The following TGFBI variants were observed in gnomAD, a reference collection of about 807,000 sequenced individuals.
The protein encoded by TGFBI is transforming growth factor beta induced.
A neutral mutation model predicts 73.7 loss-of-function variants in TGFBI; 50 were observed. The ratio of observed to expected loss-of-function variants is 0.68; its 90% CI spans 0.54 to 0.86. The LOEUF (loss-of-function observed/expected upper bound fraction) is 0.86, where lower values mean the gene tolerates loss of function less well. Among genes scored for constraint, TGFBI ranks in the 40% least tolerant of loss-of-function variants. The pLI is 0.00. For synonymous variants in TGFBI, 362 were observed against 360.5 expected, an observed-to-expected ratio of 1.00 and a Z score of -0.05; for missense variants, 839 against 877.0, an observed-to-expected ratio of 0.96 and a Z score of 0.55.
chr5:136,050,351 A>AG, intron 7 of TGFBI, among the ~76,000 whole-genome samples: 1 of 144,212 alleles, frequency 6.9e-6, no homozygotes. Context: ...AAAAAAAAAA[A>AG]CAGTTATAGT....
intron 1 of TGFBI, among the ~76,000 whole-genome samples, chr5:136,030,452 G>A (rs1253152666): frequency 6.6e-6 from 1 of 152,152 alleles, no homozygotes; most frequent in African/African-American, 2.4e-5. Context: ...CTGGCGGAGA[G>A]GGCCTGCTGG....
In TGFBI at chr5:136,054,100, C is replaced by T. The variant is rs1271571887; in HGVS notation, c.1264+20C>T. The T allele has an allele frequency of 1.9e-6, 3 of 1,606,374 alleles. No individual in the cohort carries two copies. In the East Asian group the frequency reaches 6.7e-5, roughly 36 times the overall value. On this transcript the variant is annotated intron_variant, in intron 9 of 16. Transcript: ENST00000442011. Reference sequence around the variant, plus strand: ...TCAAAGGTAACATGGGGAAGGCATCCCTGTTAGATTGTCCCTGGAGGCAGC... The same window carrying T: ...TCAAAGGTAACATGGGGAAGGCATCTCTGTTAGATTGTCCCTGGAGGCAGC...
At chr5:136,061,477 C>T in intron 14 of TGFBI, 23 bp from the exon 15 acceptor site, 1 of 1,573,544 alleles carries the variant, frequency 6.4e-7, no homozygotes, top group Non-Finnish European at 8.7e-7. Context: ...TCTGGTCAAA[C>T]CTGCCTTTTC....
chr5:136,045,971 ACCAGTTT>A (rs1450332802), intron 3 of TGFBI: 1 of 172,894 alleles, frequency 5.8e-6, no homozygotes, highest in East Asian at 1.6e-4. Context: ...CCATTAGGGA[ACCAGTTT>A]CAATAAACAG....
intron 12 of TGFBI, among the ~76,000 whole-genome samples, chr5:136,057,704 C>T (rs1031468345): frequency 3.9e-5 from 6 of 152,072 alleles, no homozygotes; most frequent in African/African-American, 1.2e-4. Context: ...ACCTTGGGGC[C>T]CACATTGTCT....
chr5:136,036,529 G>A (rs1036959983), intron 2 of TGFBI, among the ~76,000 whole-genome samples: 1 of 152,172 alleles, frequency 6.6e-6, no homozygotes. Context: ...TGTTCTTGTA[G>A]AGAGCTCAGT....
rs368027763 is a variant in TGFBI at position 136,059,223 on chromosome 5, C to A, written c.1803+9C>A. On this transcript the variant is annotated intron_variant, in intron 13 of 16. Coordinates refer to ENST00000442011, the MANE Select transcript of TGFBI (RefSeq NM_000358.3). ...AGCTGGAAGTCAGCTTGGTAAGTGT[C>A]CTGCAAATCAAAGGCTGGCTAAATT... The A allele has an allele frequency of 1.9e-6, 3 of 1,608,222 alleles. No homozygotes were observed. In the African/African-American group the frequency reaches 4.0e-5, roughly 22 times the overall value.
intron 4 of TGFBI, 114 bp from the exon 5 acceptor site, chr5:136,046,737 A>G: frequency 7.2e-7 from 1 of 1,382,160 alleles, no homozygotes; most frequent in Non-Finnish European, 9.7e-7. Context: ...GATCCTTGGC[A>G]GAAGAGAGGC....
chr5:136,042,352 C>T (rs977097688), intron 2 of TGFBI, among the ~76,000 whole-genome samples: 1 of 152,142 alleles, frequency 6.6e-6, no homozygotes, highest in Non-Finnish European at 1.5e-5. Flanking sequence ...TTTCATAGAC[C>T]AAGAAACTGA....
intron 12 of TGFBI, among the ~76,000 whole-genome samples, chr5:136,058,057 G>T (rs1308767494): frequency 6.6e-6 from 1 of 152,096 alleles, no homozygotes; most frequent in African/African-American, 2.4e-5. Context: ...GTTAGAGGTT[G>T]GTACAGGTGT....
Position 136,053,925 on chromosome 5 carries a change from C to G in TGFBI, c.1127-18C>G, listed in dbSNP as rs750540539. On this transcript the variant is annotated intron_variant, in intron 8 of 16. Transcript: ENST00000442011. ...ACAGCGCTTTTAACTTTTGAACCCACTTTCTCCTTCCTTGTAGCCAAGACA... is the reference window on the plus strand; with the variant it reads ...ACAGCGCTTTTAACTTTTGAACCCAGTTTCTCCTTCCTTGTAGCCAAGACA... 6.2e-7 allele frequency: 1 copy of G among 1,611,762 alleles called. No homozygotes were observed. Among genetic ancestry groups the G allele is most frequent in the South Asian group, 1.1e-5 (1 of 91,042 alleles).
At chr5:136,043,503 T>G (rs915473738) in intron 2 of TGFBI, among the ~76,000 whole-genome samples, 1 of 152,246 alleles carries the variant, frequency 6.6e-6, no homozygotes, top group Non-Finnish European at 1.5e-5. Flanking sequence ...TGTAGATATA[T>G]TCCCCTCTTT....
chr5:136,062,687 G>A lies in TGFBI; in HGVS notation c.2011G>A (p.Ala671Thr), dbSNP rs1472070486. The change falls in exon 16 of 17, where the codon GCC becomes ACC. Residue 671 changes from alanine (A) to threonine (T), a missense_variant and splice_region_variant. Physicochemically the swap from Ala to Thr is moderately conservative, Grantham distance 58. Coordinates refer to ENST00000442011, the MANE Select transcript of TGFBI (RefSeq NM_000358.3). ...SRASQRSVRLAPVYQKLLERM... is the reference protein window; with the variant it reads ...SRASQRSVRLTPVYQKLLERM... ...GGCTTCCCAGAGGTCTGTGCGACTA[G>A]GTGAGTCTGGTCTGGGTTTGAAGTC... The A allele has an allele frequency of 1.3e-6, 2 of 1,567,422 alleles. No homozygotes were observed. The highest frequency in any genetic ancestry group is 3.7e-5 in the Admixed American group (2 of 53,372).
rs370309697 is a variant in TGFBI at position 136,063,271 on chromosome 5, A to G, written c.*45A>G. 4.2e-5 allele frequency: 65 copies of G among 1,562,360 alleles called. 1 individual carries two copies. In the East Asian group the frequency reaches 7.2e-4, roughly 17 times the overall value. On this transcript the variant is annotated 3_prime_UTR_variant, in exon 17 of 17. Coordinates refer to ENST00000442011, the MANE Select transcript of TGFBI (RefSeq NM_000358.3). ...AATGCACCACGGCAGCTCTCCGCCAATTTCTCTCAGATTTCCACAGAGACT... is the reference window on the plus strand; with the variant it reads ...AATGCACCACGGCAGCTCTCCGCCAGTTTCTCTCAGATTTCCACAGAGACT...
intron 14 of TGFBI, 32 bp from the exon 15 acceptor site, chr5:136,061,468 C>A (rs1172395952): frequency 3.9e-6 from 6 of 1,521,090 alleles, no homozygotes; most frequent in Non-Finnish European, 5.4e-6. Context: ...TGGTTTCACT[C>A]TGGTCAAACC....
intron 2 of TGFBI, among the ~76,000 whole-genome samples, chr5:136,040,546 TC>T (rs1255857487): frequency 6.6e-6 from 1 of 152,070 alleles, no homozygotes; most frequent in African/African-American, 2.4e-5. Context: ...AACCACCCCT[TC>T]CCCCTGCCAC....
intron 11 of TGFBI, chr5:136,056,394 G>T (rs1751632234): frequency 1.9e-5 from 8 of 422,058 alleles, no homozygotes; most frequent in South Asian, 1.7e-4. Context: ...CCATACCTCT[G>T]CCCTTTCTTT....
intron 12 of TGFBI, among the ~76,000 whole-genome samples, chr5:136,057,905 A>G (rs1441329577): frequency 6.6e-6 from 1 of 152,206 alleles, no homozygotes; most frequent in Non-Finnish European, 1.5e-5. Flanking sequence ...CTGTCCAGCA[A>G]GAATGGAATA....
In TGFBI at chr5:136,035,620, G is replaced by A. The variant is rs375114636; in HGVS notation, c.233+1759G>A. Reference sequence around the variant, plus strand: ...AGCCTGGGTGACAGAGTGAGACACCGTCTCAAAAAAAAAAAAAAAAAAAGA... The same window carrying A: ...AGCCTGGGTGACAGAGTGAGACACCATCTCAAAAAAAAAAAAAAAAAAAGA... On this transcript the variant is annotated intron_variant, in intron 2 of 16. Transcript: ENST00000442011. 3.9e-5 allele frequency among the ~76,000 whole-genome samples: 5 copies of A among 129,150 alleles called. No individual in the cohort carries two copies. The East Asian group carries it at 6.5e-4, about 17-fold the overall frequency. 84.7% of individuals were successfully genotyped at this position (129,150 alleles called of 152,430 possible).
Sources: gnomAD v4.1 joint callset for allele counts (sites outside exome capture counted in the v4.1 genomes callset) on GRCh38, gnomAD v4.1.1 for gene constraint, MANE v1.5 for transcripts, NCBI Gene and HGNC (gene_info 2026-07-23, HGNC 2026-07-21) for gene names.